The following CERCAM variants were observed in gnomAD, a reference collection of about 807,000 sequenced individuals.
The protein encoded by CERCAM is cerebral endothelial cell adhesion molecule.
A neutral mutation model predicts 66.0 loss-of-function variants in CERCAM; 59 were observed. That is an observed-to-expected ratio of 0.89 (90% CI 0.73 to 1.11). The LOEUF is 1.11. CERCAM is among the 50% of genes most tolerant of loss of function. The probability of loss-of-function intolerance (pLI) is 0.00; values close to 1 mark genes in which losing one functional copy is unlikely to be tolerated. For synonymous variants in CERCAM, 318 were observed against 343.6 expected (o/e 0.93, Z 0.83); for missense variants, 840 against 828.3 (o/e 1.01, Z -0.17).
At chr9:128,428,273 T>G (rs1175959302) in intron 5 of CERCAM, 29 bp from the exon 6 acceptor site, 1 of 1,611,424 alleles carries the variant, frequency 6.2e-7, no homozygotes, top group Admixed American at 1.7e-5. Flanking sequence ...CACCCTCCAC[T>G]GCAGCTCTCA....
chr9:128,435,644 A>G lies in CERCAM; in HGVS notation c.1536-9A>G. 1 of 1,592,350 alleles carries G rather than the reference A, an allele frequency of 6.3e-7. No individual in the cohort carries two copies. The highest frequency in any genetic ancestry group is 1.1e-5 in the South Asian group (1 of 88,720). On this transcript the variant is annotated splice_polypyrimidine_tract_variant and intron_variant, in intron 11 of 12. Transcript: ENST00000372838. ...CTCAATCCCCCTGAGCTATCCTCTC[A>G]CCTTACAGCGAGCAGTACAAGGCAC...
Position 128,420,945 on chromosome 9 carries a change from C to A in CERCAM, c.68C>A (p.Ala23Glu). Residue 23 changes from alanine (A) to glutamate (E), a missense_variant, in exon 1 of 13, where the codon GCG (alanine) becomes GAG (glutamate). Ala to Glu is a moderately radical substitution (Grantham distance 107, BLOSUM62 -1). Transcript: ENST00000372838. The surrounding 1 kb of genome is among the most constrained non-coding windows in gnomAD (Gnocchi z 5.0). ...LLLLGPWLEA[A>E]GVAESPLPAV... ...CTGCTGGGGCCGTGGCTGGAGGCTG[C>A]GGGCGTTGCGGAGTCGCCGCTGCCC... is the stretch of plus-strand genomic sequence containing the variant. The A allele has an allele frequency of 2.1e-6, 3 of 1,457,486 alleles. No homozygotes were observed. Among genetic ancestry groups the A allele is most frequent in the Admixed American group, 2.5e-5 (1 of 40,102 alleles). The allele number at this position is 1,457,486 out of a possible 1,614,324, so 90.3% of individuals were successfully genotyped here.
At chr9:128,420,579 C>A, upstream of CERCAM, 1 of 186,002 alleles carries the variant, frequency 5.4e-6, no homozygotes, top group Non-Finnish European at 1.1e-5. This position sits in a 1 kb window ranked among gnomAD's most constrained non-coding sequence, Gnocchi z 5.0. Context: ...TCCTAGCACC[C>A]CTCCCCTGTC....
chr9:128,423,553 G>T (rs1833763874), intron 3 of CERCAM, among the ~76,000 whole-genome samples: 1 of 151,212 alleles, frequency 6.6e-6, no homozygotes, highest in Non-Finnish European at 1.5e-5. Context: ...GGAGGTAGAG[G>T]TTGCACTGAG....
chr9:128,425,791 A>G lies in CERCAM; in HGVS notation c.766+1177A>G, dbSNP rs926605603. 1.9e-4 allele frequency among the ~76,000 whole-genome samples: 27 copies of G among 144,866 alleles called. 1 individual carries two copies. In the Admixed American group the frequency reaches 1.9e-3, roughly 10 times the overall value. ...CTCCCAAAGTGCTGAGATTACAGGC[A>G]TGGGCCACTGAGCCCAGCCCAGCCT... On this transcript the variant is annotated intron_variant, in intron 5 of 12. Transcript: ENST00000372838.
At position 128,435,681 on chromosome 9, in the gene CERCAM, C is replaced by T. The variant is rs576994890; in HGVS notation, c.1564C>T (p.Arg522Trp). 10 of 1,613,466 alleles carry T rather than the reference C, an allele frequency of 6.2e-6. No homozygotes were observed. The African/African-American group carries it at 8.0e-5, about 13-fold the overall frequency. Reference protein sequence around the residue: ...NEQYKAHFWPRDLVAFSAQPL... With the variant: ...NEQYKAHFWPWDLVAFSAQPL... Reference sequence around the variant, plus strand: ...GCAGTACAAGGCACACTTCTGGCCACGGGACCTGGTGGCCTTCTCCGCCCA... The same window carrying T: ...GCAGTACAAGGCACACTTCTGGCCATGGGACCTGGTGGCCTTCTCCGCCCA... Residue 522 changes from arginine (R) to tryptophan (W), a missense_variant, in exon 12 of 13, where the codon CGG becomes TGG. Coordinates refer to ENST00000372838, the MANE Select transcript of CERCAM (RefSeq NM_016174.5).
intron 9 of CERCAM, 23 bp downstream of exon 9, chr9:128,431,326 T>C (rs1009851): frequency 0.19 from 300,987 of 1,612,796 alleles, 34,910 homozygotes; most frequent in African/African-American, 0.51. Flanking sequence ...GCTTCCTCCA[T>C]CCACAGCCTT....
intron 1 of CERCAM, 72 bp from the exon 2 acceptor site, chr9:128,422,796 T>C: frequency 1.3e-6 from 2 of 1,551,132 alleles, no homozygotes; most frequent in South Asian, 1.2e-5. Context: ...TGTTAGTGCT[T>C]TGGGGTCAAG....
intron 3 of CERCAM, 136 bp downstream of exon 3, chr9:128,423,399 C>T: frequency 4.3e-6 from 3 of 697,856 alleles, no homozygotes; most frequent in Non-Finnish European, 7.4e-6. Flanking sequence ...GGTGGATCAC[C>T]TGAGGTCAGA....
At chr9:128,423,356 C>T (rs1833757575) in intron 3 of CERCAM, 93 bp downstream of exon 3, 1 of 1,035,024 alleles carries the variant, frequency 9.7e-7, no homozygotes, top group Non-Finnish European at 1.4e-6. Flanking sequence ...GTGGCTCACG[C>T]CTATAATCCT....
Position 128,424,459 on chromosome 9 carries a change from G to T in CERCAM, c.611G>T (p.Arg204Leu). ...AEYFPTKNRQ[R>L]RGCFRVPMVH... ...TACTTCCCCACCAAGAACCGCCAGC[G>T]CCGGGGCTGCTTCCGTGTCCCCATG... Residue 204 changes from arginine (R) to leucine (L), a missense_variant, in exon 5 of 13, where the codon CGC becomes CTC. Arg to Leu is a moderately radical substitution (Grantham distance 102). Transcript: ENST00000372838. 1 of 1,613,882 alleles carries T rather than the reference G, an allele frequency of 6.2e-7. No individual in the cohort carries two copies. The highest frequency in any genetic ancestry group is 8.5e-7 in the Non-Finnish European group (1 of 1,179,984).
intron 1 of CERCAM, chr9:128,422,175 G>A (rs1833724406): frequency 6.6e-6 from 1 of 152,314 alleles, no homozygotes; most frequent in South Asian, 2.1e-4. Context: ...TGGTCACACA[G>A]CCACAGGTCA....
Position 128,424,235 on chromosome 9 carries a change from C to G in CERCAM, c.524C>G (p.Thr175Ser), listed in dbSNP as rs1487463612. The change falls in exon 4 of 13, where the codon ACC becomes AGC. Residue 175 changes from threonine to serine, a missense_variant. Coordinates refer to ENST00000372838, the MANE Select transcript of CERCAM (RefSeq NM_016174.5). ...PVVAPMLDSQ[T>S]YYSNFWCGIT... ...GTGGCCCCAATGCTGGACTCCCAGA[C>G]CTACTACTCCAACTTCTGGTGTGGG... 1.2e-6 allele frequency: 2 copies of G among 1,614,052 alleles called. No homozygotes were observed. Among genetic ancestry groups the G allele is most frequent in the Non-Finnish European group, 1.7e-6 (2 of 1,180,030 alleles).
At chr9:128,427,474 CAA>C (rs1833870952) in intron 5 of CERCAM, among the ~76,000 whole-genome samples, 1 of 150,250 alleles carries the variant, frequency 6.7e-6, no homozygotes, top group Non-Finnish European at 1.5e-5. Flanking sequence ...ATAAAGGTAA[CAA>C]ATATTGGCCG....
chr9:128,434,401 CACTT>C lies in CERCAM; in HGVS notation c.1332-6_1332-3del. ...AAGTGACTCCTGGGCCCCTTGGTGT[CACTT>C]ACAGCTACCTCGGACGGAAGCAGGT... On this transcript the variant is annotated splice_polypyrimidine_tract_variant and splice_region_variant and intron_variant, in intron 10 of 12. Coordinates refer to ENST00000372838, the MANE Select transcript of CERCAM (RefSeq NM_016174.5). The surrounding 1 kb of genome is among the most constrained non-coding windows in gnomAD (Gnocchi z 4.5). The C allele has an allele frequency of 1.2e-6, 2 of 1,613,752 alleles. No individual in the cohort carries two copies. Among genetic ancestry groups the C allele is most frequent in the Non-Finnish European group, 8.5e-7 (1 of 1,179,922 alleles).
chr9:128,434,055 G>GA lies in CERCAM; in HGVS notation c.1204-47_1204-46insA, dbSNP rs761911544. On this transcript the variant is annotated intron_variant, in intron 9 of 12. Transcript: ENST00000372838. This position sits in a 1 kb window ranked among gnomAD's most constrained non-coding sequence, Gnocchi z 4.5. ...TGAGCTTCAGCGTGGAGGGAGGGGGGTTGTTTAACTCCGAAGAGCCATCTC... is the reference window on the plus strand; with the variant it reads ...TGAGCTTCAGCGTGGAGGGAGGGGGGATTGTTTAACTCCGAAGAGCCATCTC... The GA allele has an allele frequency of 1.4e-5, 22 of 1,603,986 alleles. No individual in the cohort carries two copies. The South Asian group carries it at 2.1e-4, about 15-fold the overall frequency.
intron 9 of CERCAM, among the ~76,000 whole-genome samples, chr9:128,432,465 G>C (rs573154355): frequency 1.8e-4 from 27 of 148,830 alleles, no homozygotes; most frequent in African/African-American, 5.7e-4. Context: ...GCTCACTGCA[G>C]CCTGGACCTC....
At chr9:128,435,430 G>A (rs560227631) in intron 11 of CERCAM, among the ~76,000 whole-genome samples, 8 of 152,254 alleles carry the variant, frequency 5.3e-5, no homozygotes, top group Admixed American at 2.0e-4. Context: ...CACTGCGCTC[G>A]GCTGCATGCA....
intron 6 of CERCAM, 145 bp from the exon 7 acceptor site, chr9:128,428,612 C>A: frequency 9.3e-7 from 1 of 1,073,664 alleles, no homozygotes; most frequent in East Asian, 2.4e-5. Context: ...ACAATGGGGG[C>A]AGGTGGATCC....
Sources: gnomAD v4.1 joint callset for allele counts (sites outside exome capture counted in the v4.1 genomes callset) on GRCh38, gnomAD v4.1.1 for gene constraint, Gnocchi (gnomAD v3.1) non-coding constraint, MANE v1.5 for transcripts, NCBI Gene and HGNC (gene_info 2026-07-23, HGNC 2026-07-21) for gene names.